TMOD2: variants seen among roughly 807,000 people sequenced by gnomAD.
TMOD2 encodes the protein tropomodulin 2.
Under a neutral mutation model 39.9 loss-of-function variants are expected in TMOD2, and 22 were observed. The ratio of observed to expected loss-of-function variants is 0.55; its 90% confidence interval spans 0.39 to 0.79. The LOEUF (loss-of-function observed/expected upper bound fraction) is 0.79, where lower values mean the gene tolerates loss of function less well. Among genes scored for constraint, TMOD2 ranks in the 30% least tolerant of loss-of-function variants. The pLI is 0.00. For synonymous variants in TMOD2, 123 were observed against 146.1 expected, an observed-to-expected ratio of 0.84 and a Z score of 1.14; for missense variants, 386 against 413.3, an observed-to-expected ratio of 0.93 and a Z score of 0.57.
chr15:51,780,496 G>C (rs1178222203), intron 5 of TMOD2, among the ~76,000 whole-genome samples: 1 of 152,020 alleles, frequency 6.6e-6, no homozygotes, highest in African/African-American at 2.4e-5. Flanking sequence ...GTGTATATTG[G>C]GATATTAATC....
At chr15:51,771,411 C>A (rs1012913969) in intron 3 of TMOD2, among the ~76,000 whole-genome samples, 5 of 152,210 alleles carry the variant, frequency 3.3e-5, no homozygotes, top group African/African-American at 1.2e-4. Context: ...TTGCTTAGAA[C>A]TTGTTATTTG....
intron 7 of TMOD2, among the ~76,000 whole-genome samples, chr15:51,786,045 T>C (rs2055967916): frequency 1.3e-5 from 2 of 152,242 alleles, no homozygotes; most frequent in Middle Eastern, 3.4e-3. Context: ...TACGTATATA[T>C]ACATATATAT....
intron 3 of TMOD2, among the ~76,000 whole-genome samples, chr15:51,771,788 T>G (rs957724212): frequency 1.3e-5 from 2 of 152,160 alleles, no homozygotes; most frequent in Admixed American, 6.5e-5. Context: ...AGCCCCAGTA[T>G]TTGAGATGTT....
chr15:51,757,473 G>A (rs1001850665), intron 1 of TMOD2, among the ~76,000 whole-genome samples: 1 of 151,356 alleles, frequency 6.6e-6, no homozygotes, highest in African/African-American at 2.4e-5. Flanking sequence ...TGGATAATAG[G>A]AAGAGTTATT....
At chr15:51,806,552 A>G (rs779050883) in intron 9 of TMOD2, 31 bp downstream of exon 9, 2 of 1,613,118 alleles carry the variant, frequency 1.2e-6, no homozygotes, top group African/African-American at 1.3e-5. Flanking sequence ...GCTGTTAACA[A>G]TTAGAAGAGC....
chr15:51,781,208 T>A (rs760635272), intron 6 of TMOD2, 34 bp downstream of exon 6: 1 of 1,570,946 alleles, frequency 6.4e-7, no homozygotes, highest in Non-Finnish European at 8.6e-7. Context: ...GTCAGTTAAT[T>A]TATCATGAGG....
chr15:51,788,570 G>A (rs1595873272), intron 7 of TMOD2, among the ~76,000 whole-genome samples: 1 of 152,286 alleles, frequency 6.6e-6, no homozygotes, highest in Admixed American at 6.5e-5. Flanking sequence ...ACACATAATT[G>A]TCAGATTCAC....
intron 7 of TMOD2, among the ~76,000 whole-genome samples, chr15:51,788,430 C>A (rs1005611185): frequency 2.6e-5 from 4 of 152,134 alleles, no homozygotes; most frequent in Non-Finnish European, 5.9e-5. Context: ...AAGAATGGAA[C>A]CAAGTTAGAA....
intron 4 of TMOD2, among the ~76,000 whole-genome samples, chr15:51,776,106 C>T (rs1567239110): frequency 6.6e-6 from 1 of 152,164 alleles, no homozygotes; most frequent in East Asian, 1.9e-4. Flanking sequence ...CGGGTCCTTG[C>T]TAGCTCTGAC....
chr15:51,761,871 G>A (rs939272050), intron 1 of TMOD2, among the ~76,000 whole-genome samples: 40 of 152,066 alleles, frequency 2.6e-4, no homozygotes, highest in African/African-American at 9.7e-4. Flanking sequence ...TTTTTGGCCG[G>A]GCACGGTGGC....
In TMOD2 at chr15:51,770,943, T is replaced by C. The variant is rs1380974510; in HGVS notation, c.283+2525T>C. ...AATTTAATTGTGAAAAAAATTATAA[T>C]GTCAAATCTTCAATGAAGTCCCAAT... On this transcript the variant is annotated intron_variant, in intron 3 of 9. Coordinates refer to ENST00000249700, the MANE Select transcript of TMOD2 (RefSeq NM_014548.4). Among the ~76,000 whole-genome samples the C allele has an allele frequency of 2.0e-5, 3 of 152,346 alleles. No individual in the cohort carries two copies. The East Asian group carries it at 5.8e-4, about 29-fold the overall frequency.
Position 51,773,875 on chromosome 15 carries a change from G to T in TMOD2, c.406+41G>T. On this transcript the variant is annotated intron_variant, in intron 4 of 9. Coordinates refer to ENST00000249700, the MANE Select transcript of TMOD2 (RefSeq NM_014548.4). ...TGGGAACTTTCCTGTCTGGCTCTAT[G>T]ACCTCCGAGCATGCACTGGCACCCA... 1.9e-6 allele frequency: 3 copies of T among 1,576,646 alleles called. No individual in the cohort carries two copies. In the South Asian group the frequency reaches 3.6e-5, roughly 19 times the overall value.
chr15:51,792,943 C>T (rs930321343), intron 7 of TMOD2, among the ~76,000 whole-genome samples: 2 of 152,104 alleles, frequency 1.3e-5, no homozygotes, highest in Non-Finnish European at 2.9e-5. Flanking sequence ...AGCAAACCAC[C>T]ATGGCACGTG....
chr15:51,780,915 C>T, intron 5 of TMOD2, 129 bp from the exon 6 acceptor site: 5 of 710,560 alleles, frequency 7.0e-6, no homozygotes, highest in Non-Finnish European at 1.1e-5. Context: ...GCTGAGAATA[C>T]ACCTACTGTC....
chr15:51,794,049 C>T (rs1007483190), intron 7 of TMOD2, among the ~76,000 whole-genome samples: 1 of 152,226 alleles, frequency 6.6e-6, no homozygotes, highest in Admixed American at 6.5e-5. Context: ...GATTATTCTT[C>T]TAGTCCAGTG....
At chr15:51,768,001 G>C (rs1325690050) in intron 2 of TMOD2, among the ~76,000 whole-genome samples, 2 of 152,192 alleles carry the variant, frequency 1.3e-5, no homozygotes, top group Admixed American at 6.5e-5. Context: ...CATGTTTTAG[G>C]AGGCAGCTTC....
chr15:51,785,890 A>G (rs1260747534), intron 7 of TMOD2, among the ~76,000 whole-genome samples: 2 of 152,210 alleles, frequency 1.3e-5, no homozygotes, highest in African/African-American at 4.8e-5. Context: ...AAAGGTATCA[A>G]AATATTACAT....
chr15:51,779,863 G>A (rs2055917807), intron 5 of TMOD2, among the ~76,000 whole-genome samples: 1 of 151,964 alleles, frequency 6.6e-6, no homozygotes, highest in African/African-American at 2.4e-5. Flanking sequence ...AAAATTTATT[G>A]TAGAGGCTGG....
At chr15:51,788,773 G>A (rs1167602594) in intron 7 of TMOD2, among the ~76,000 whole-genome samples, 1 of 152,124 alleles carries the variant, frequency 6.6e-6, no homozygotes, top group Non-Finnish European at 1.5e-5. Flanking sequence ...CATAAGTGGA[G>A]GAGAAATAAA....
Sources: gnomAD v4.1 joint callset for allele counts (sites outside exome capture counted in the v4.1 genomes callset) on GRCh38, gnomAD v4.1.1 for gene constraint, MANE v1.5 for transcripts, NCBI Gene and HGNC (gene_info 2026-07-23, HGNC 2026-07-21) for gene names.